ZBTB9: variants seen among roughly 807,000 people sequenced by gnomAD.
The protein encoded by ZBTB9 is zinc finger and BTB domain containing 9.
In ZBTB9, 17 loss-of-function variants were observed where a neutral mutation model predicts 26.3. That is an observed-to-expected ratio of 0.65 (90% confidence interval 0.44 to 0.97). The LOEUF is 0.97. Ranked by LOEUF, ZBTB9 falls within the 50% of genes least tolerant of loss-of-function variation. ZBTB9 has a pLI of 0.00. For synonymous variants in ZBTB9, 226 were observed against 234.3 expected, an observed-to-expected ratio of 0.96 and a Z score of 0.32; for missense variants, 510 against 594.2, an observed-to-expected ratio of 0.86 and a Z score of 1.47.
chr6:33,454,817 C>T, intron 1 of ZBTB9, 42 bp downstream of exon 1: 1 of 485,088 alleles, frequency 2.1e-6, no homozygotes, highest in Non-Finnish European at 3.6e-6. Flanking sequence ...TTCTTATCTT[C>T]CACAGGGGCT....
chr6:33,454,768 C>G lies in ZBTB9; in HGVS notation c.-79C>G, dbSNP rs2274730. The G allele has an allele frequency of 0.33, 125,963 of 384,868 alleles. 23,466 individuals are homozygous for G. Among genetic ancestry groups the G allele is most frequent in the Non-Finnish European group, 0.35 (75,748 of 214,110 alleles). The allele number at this position is 384,868 out of a possible 1,614,324, so 23.8% of individuals were successfully genotyped here. On this transcript the variant is annotated 5_prime_UTR_variant, in exon 1 of 2. Coordinates refer to ENST00000395064, the MANE Select transcript of ZBTB9 (RefSeq NM_152735.4). ...ACGGAGCGGCGGGGCAGGAGCTGTT[C>G]TGGGCAGGTGAAGGCAGGCTGGTGG... is the stretch of plus-strand genomic sequence containing the variant.
At position 33,455,097 on chromosome 6, in the gene ZBTB9, G is replaced by A; in HGVS notation, c.-4G>A. 1.3e-6 allele frequency: 2 copies of A among 1,588,714 alleles called. No individual in the cohort carries two copies. The highest frequency in any genetic ancestry group is 1.7e-6 in the Non-Finnish European group (2 of 1,165,976). On this transcript the variant is annotated 5_prime_UTR_variant, in exon 2 of 2. Coordinates refer to ENST00000395064, the MANE Select transcript of ZBTB9 (RefSeq NM_152735.4). ...TCCCAATTCTTGTCACCTTCGAGGA[G>A]GCCATGGAAACCCCAACACCTTTGC... is the stretch of plus-strand genomic sequence containing the variant.
rs759435678 is a variant in ZBTB9, at chr6:33,455,262, G to A, written c.162G>A (p.Val54=). The A allele has an allele frequency of 3.7e-6, 6 of 1,614,198 alleles. No individual in the cohort carries two copies. Among genetic ancestry groups the A allele is most frequent in the Middle Eastern group, 3.3e-4 (2 of 6,062 alleles). The change falls in exon 2 of 2, where the codon GTG becomes GTA. Residue 54 remains valine (V), a synonymous_variant. Coordinates refer to ENST00000395064, the MANE Select transcript of ZBTB9 (RefSeq NM_152735.4). ...EGKFCDVSLL[V]QGRELRAHKA... is the part of the protein sequence containing the mutation. ...AGTTCTGTGATGTGTCCCTCCTGGT[G>A]CAGGGCCGGGAACTTAGGGCTCATA...
chr6:33,455,822 C>G lies in ZBTB9; in HGVS notation c.722C>G (p.Ser241Ter). Residue 241 changes from serine to a stop codon, truncating the protein, a stop_gained, in exon 2 of 2, where the codon TCA becomes TGA. Coordinates refer to ENST00000395064, the MANE Select transcript of ZBTB9 (RefSeq NM_152735.4). LOFTEE classifies it high-confidence loss of function. ...CAGACTCCTCAGCCCCAGAGAGTAT[C>G]AGGGGTTTTTCCCCGTCCTCATGGA... The part of the protein sequence containing the change: ...LSQTPQPQRV[S>*]GVFPRPHGPH... The G allele has an allele frequency of 6.2e-7, 1 of 1,610,808 alleles. No homozygotes were observed. The highest frequency in any genetic ancestry group is 1.1e-5 in the South Asian group (1 of 90,546).
At position 33,455,291 on chromosome 6, in the gene ZBTB9, C is replaced by T. The variant is rs767785730; in HGVS notation, c.191C>T (p.Ala64Val). The part of the protein sequence containing the change: ...VQGRELRAHK[A>V]VLAAASPYFH... ...GGCCGGGAACTTAGGGCTCATAAAG[C>T]AGTGTTAGCTGCTGCCTCTCCTTAC... The change falls in exon 2 of 2, where the codon GCA becomes GTA. Residue 64 changes from alanine to valine, a missense_variant. Coordinates refer to ENST00000395064, the MANE Select transcript of ZBTB9 (RefSeq NM_152735.4). 4 of 1,614,178 alleles carry T rather than the reference C, an allele frequency of 2.5e-6. No individual in the cohort carries two copies. The highest frequency in any genetic ancestry group is 2.5e-6 in the Non-Finnish European group (3 of 1,180,030).
rs551818407 is a variant in ZBTB9, at chr6:33,455,164, A to G, written c.64A>G (p.Thr22Ala). The part of the protein sequence containing the change: ...ASPTCNPAPR[T>A]IQIEFPQHSS... Reference sequence around the variant, plus strand: ...CCCGACCTGCAACCCAGCCCCACGGACAATCCAGATCGAGTTCCCACAGCA... The same window carrying G: ...CCCGACCTGCAACCCAGCCCCACGGGCAATCCAGATCGAGTTCCCACAGCA... Residue 22 changes from threonine (T) to alanine (A), a missense_variant, in exon 2 of 2, where the codon ACA becomes GCA. By Grantham distance (58) the Thr-to-Ala change is moderately conservative (BLOSUM62 0). Coordinates refer to ENST00000395064, the MANE Select transcript of ZBTB9 (RefSeq NM_152735.4). 6.2e-7 allele frequency: 1 copy of G among 1,614,038 alleles called. No individual in the cohort carries two copies. Among genetic ancestry groups the G allele is most frequent in the African/African-American group, 1.3e-5 (1 of 74,994 alleles).
rs1255385229 is a variant in ZBTB9 at position 33,455,390 on chromosome 6, A to G, written c.290A>G (p.Glu97Gly). The G allele has an allele frequency of 2.5e-6, 4 of 1,613,964 alleles. No individual in the cohort carries two copies. Residue 97 changes from glutamate (E) to glycine (G), a missense_variant, in exon 2 of 2, where the codon GAG becomes GGG. Glu to Gly is a moderately conservative substitution (Grantham distance 98). Coordinates refer to ENST00000395064, the MANE Select transcript of ZBTB9 (RefSeq NM_152735.4). Reference sequence around the variant, plus strand: ...AGTGTCATTGAAGCCGATGCCTTCGAGGGGCTGCTCCAGCTCATTTATTCA... The same window carrying G: ...AGTGTCATTGAAGCCGATGCCTTCGGGGGGCTGCTCCAGCTCATTTATTCA... ...LPSVIEADAF[E>G]GLLQLIYSGR...
rs1379530068 is a variant in ZBTB9, at chr6:33,455,051, A to G, written c.-50A>G. The G allele has an allele frequency of 6.5e-7, 1 of 1,533,130 alleles. No homozygotes were observed. Among genetic ancestry groups the G allele is most frequent in the African/African-American group, 1.4e-5 (1 of 72,028 alleles). The allele number at this position is 1,533,130 out of a possible 1,614,324, so 95.0% of individuals were successfully genotyped here. Reference sequence around the variant, plus strand: ...GCAGCCTTCATCCCGCGTGGAGTCTACCCCCAAGCCCTTCTCCTCTTCCCA... The same window carrying G: ...GCAGCCTTCATCCCGCGTGGAGTCTGCCCCCAAGCCCTTCTCCTCTTCCCA... On this transcript the variant is annotated 5_prime_UTR_variant, in exon 2 of 2. Coordinates refer to ENST00000395064, the MANE Select transcript of ZBTB9 (RefSeq NM_152735.4).
In ZBTB9 at chr6:33,456,022, G is replaced by A; in HGVS notation, c.922G>A (p.Glu308Lys). ...CGGAACTCAGCCTGGAGGAGCAAAG[G>A]AGGAAACCAAAGTGTTTTCTGGAGG... Reference protein sequence around the residue: ...GSGTQPGGAKEETKVFSGGDT... With the variant: ...GSGTQPGGAKKETKVFSGGDT... The change falls in exon 2 of 2, where the codon GAG becomes AAG. Residue 308 changes from glutamate (E) to lysine (K), a missense_variant. Glu to Lys is a moderately conservative substitution (Grantham distance 56). Around this residue, in one of 2 missense-constraint regions of ZBTB9, gnomAD observed 439 missense variants for 460.4 expected, o/e 0.95. Coordinates refer to ENST00000395064, the MANE Select transcript of ZBTB9 (RefSeq NM_152735.4). This position sits in a 1 kb window ranked among gnomAD's most constrained non-coding sequence, Gnocchi z 5.1. 1 of 1,614,108 alleles carries A rather than the reference G, an allele frequency of 6.2e-7. No homozygotes were observed.
upstream of ZBTB9, chr6:33,454,558 G>A (rs550832198): frequency 4.5e-4 from 71 of 159,528 alleles, no homozygotes; most frequent in African/African-American, 1.5e-3. Context: ...TGGCGACGGT[G>A]TCCGGCGGGG....
rs1347550851 is a variant in ZBTB9, at chr6:33,457,514, T to C, written c.*992T>C. 1.2e-5 allele frequency: 2 copies of C among 166,954 alleles called. No individual in the cohort carries two copies. The highest frequency in any genetic ancestry group is 4.1e-4 in the South Asian group (2 of 4,834). 10.3% of individuals were successfully genotyped at this position (166,954 alleles called of 1,614,324 possible). A position where few individuals can be genotyped will look rare whatever the true frequency, so the allele number is the denominator to read the frequency against. On this transcript the variant is annotated 3_prime_UTR_variant, in exon 2 of 2. Transcript: ENST00000395064. ...GGGTGGGACTTGCAGTTACTTAAAA[T>C]TTTTTAATAAACTGTGCCCTGAAAC...
In ZBTB9 at chr6:33,455,603, G is replaced by T. The variant is rs890187983; in HGVS notation, c.503G>T (p.Gly168Val). Residue 168 changes from glycine to valine, a missense_variant, in exon 2 of 2, where the codon GGC (glycine) becomes GTC (valine). By Grantham distance (109) the Gly-to-Val change is moderately radical (BLOSUM62 -3). Around this residue, in one of 2 missense-constraint regions of ZBTB9, gnomAD observed 439 missense variants for 460.4 expected, o/e 0.95. Coordinates refer to ENST00000395064, the MANE Select transcript of ZBTB9 (RefSeq NM_152735.4). ...ALLSTTSSTGGWCIRSSPFQT... is the reference protein window; with the variant it reads ...ALLSTTSSTGVWCIRSSPFQT... ...CTTTCCACTACATCCTCTACAGGAG[G>T]CTGGTGCATTCGCTCTTCGCCTTTC... 1 of 1,613,988 alleles carries T rather than the reference G, an allele frequency of 6.2e-7. No individual in the cohort carries two copies. Among genetic ancestry groups the T allele is most frequent in the Admixed American group, 1.7e-5 (1 of 60,008 alleles).
In ZBTB9 at chr6:33,456,640, T is replaced by C; in HGVS notation, c.*118T>C. On this transcript the variant is annotated 3_prime_UTR_variant, in exon 2 of 2. Transcript: ENST00000395064. This position sits in a 1 kb window ranked among gnomAD's most constrained non-coding sequence, Gnocchi z 5.1. ...CTTGTAATCATGCCAAGAGAATAGA[T>C]ACATTATGGACCTCTTGTTCTTAGA... The C allele has an allele frequency of 2.0e-6, 3 of 1,484,140 alleles. No individual in the cohort carries two copies. The highest frequency in any genetic ancestry group is 4.6e-5 in the East Asian group (2 of 43,318). The allele number at this position is 1,484,140 out of a possible 1,614,324, so 91.9% of individuals were successfully genotyped here. A position where few individuals can be genotyped will look rare whatever the true frequency, so the allele number is the denominator to read the frequency against.
rs757096774 is a variant in ZBTB9, at chr6:33,455,936, C to T, written c.836C>T (p.Pro279Leu). 1 of 1,612,072 alleles carries T rather than the reference C, an allele frequency of 6.2e-7. No homozygotes were observed. Among genetic ancestry groups the T allele is most frequent in the Non-Finnish European group, 8.5e-7 (1 of 1,178,948 alleles). ...PLELPAPPAL[P>L]PKIFYIKQEP... ...GAGCTTCCTGCCCCTCCTGCACTGCCCCCCAAAATCTTCTACATTAAGCAG... is the reference window on the plus strand; with the variant it reads ...GAGCTTCCTGCCCCTCCTGCACTGCTCCCCAAAATCTTCTACATTAAGCAG... Residue 279 changes from proline (P) to leucine (L), a missense_variant, in exon 2 of 2, where the codon CCC (proline) becomes CTC (leucine). Coordinates refer to ENST00000395064, the MANE Select transcript of ZBTB9 (RefSeq NM_152735.4).
In ZBTB9 at chr6:33,455,419, C is replaced by T. The variant is rs1024457636; in HGVS notation, c.319C>T (p.Arg107Cys). 13 of 1,612,810 alleles carry T rather than the reference C, an allele frequency of 8.1e-6. No individual in the cohort carries two copies. The highest frequency in any genetic ancestry group is 8.5e-6 in the Non-Finnish European group (10 of 1,179,338). ...EGLLQLIYSGRLRLPLDALPA... is the reference protein window; with the variant it reads ...EGLLQLIYSGCLRLPLDALPA... ...GCTGCTCCAGCTCATTTATTCAGGG[C>T]GTCTCCGCCTGCCACTGGATGCTCT... is the stretch of plus-strand genomic sequence containing the variant. Residue 107 changes from arginine to cysteine, a missense_variant, in exon 2 of 2, where the codon CGT (arginine) becomes TGT (cysteine). This residue lies in a region of ZBTB9 where 439 missense variants were observed against 460.4 expected (regional missense o/e 0.95). Coordinates refer to ENST00000395064, the MANE Select transcript of ZBTB9 (RefSeq NM_152735.4).
chr6:33,456,014 G>A lies in ZBTB9; in HGVS notation c.914G>A (p.Gly305Glu), dbSNP rs769382866. The A allele has an allele frequency of 2.9e-5, 46 of 1,613,978 alleles. No individual in the cohort carries two copies. Among genetic ancestry groups the A allele is most frequent in the Non-Finnish European group, 3.7e-5 (44 of 1,180,046 alleles). ...EISGSGTQPG[G>E]AKEETKVFSG... ...TCAGGAAGCGGAACTCAGCCTGGAG[G>A]AGCAAAGGAGGAAACCAAAGTGTTT... The change falls in exon 2 of 2, where the codon GGA (glycine) becomes GAA (glutamate). Residue 305 changes from glycine (G) to glutamate (E), a missense_variant. By Grantham distance (98) the Gly-to-Glu change is moderately conservative (BLOSUM62 -2). Transcript: ENST00000395064. This position sits in a 1 kb window ranked among gnomAD's most constrained non-coding sequence, Gnocchi z 5.1.
Position 33,456,879 on chromosome 6 carries a change from T to G in ZBTB9, c.*357T>G. ...GAAGAGTTAGAGCAAAAGACAGTGG[T>G]AAATGTTTTATTCCGTCTCCATGAG... is the stretch of plus-strand genomic sequence containing the variant. On this transcript the variant is annotated 3_prime_UTR_variant, in exon 2 of 2. Coordinates refer to ENST00000395064, the MANE Select transcript of ZBTB9 (RefSeq NM_152735.4). The surrounding 1 kb of genome is among the most constrained non-coding windows in gnomAD (Gnocchi z 5.1). The G allele has an allele frequency of 4.0e-6, 1 of 250,862 alleles. No homozygotes were observed. Among genetic ancestry groups the G allele is most frequent in the Non-Finnish European group, 8.2e-6 (1 of 122,140 alleles). 15.5% of individuals were successfully genotyped at this position (250,862 alleles called of 1,614,324 possible).
upstream of ZBTB9, chr6:33,453,891 A>C (rs187798431): frequency 6.6e-6 from 1 of 152,254 alleles, no homozygotes; most frequent in South Asian, 2.1e-4. Flanking sequence ...AAACTTCTCC[A>C]ATCTAACTCT....
chr6:33,456,093 G>C lies in ZBTB9; in HGVS notation c.993G>C (p.Gly331=). Residue 331 remains glycine, a synonymous_variant, in exon 2 of 2, where the codon GGG becomes GGC. Coordinates refer to ENST00000395064, the MANE Select transcript of ZBTB9 (RefSeq NM_152735.4). The surrounding 1 kb of genome is among the most constrained non-coding windows in gnomAD (Gnocchi z 5.1). ...AGCTAGGGTTCTTGTTGCCTTCAGG[G>C]CCAGGGCCAACATCTGGGGGAGGGG... is the stretch of plus-strand genomic sequence containing the variant. ...NGELGFLLPS[G]PGPTSGGGGP... is the part of the protein sequence containing the mutation. 6.2e-7 allele frequency: 1 copy of C among 1,613,900 alleles called. No individual in the cohort carries two copies. Among genetic ancestry groups the C allele is most frequent in the Non-Finnish European group, 8.5e-7 (1 of 1,179,956 alleles).
Sources: allele counts gnomAD v4.1 joint callset, GRCh38; gene constraint gnomAD v4.1.1; regional missense constraint gnomAD v4.1.1; non-coding constraint Gnocchi (gnomAD v3.1); transcripts MANE v1.5; gene names NCBI Gene and HGNC (gene_info 2026-07-23, HGNC 2026-07-21).